The following METTL15 variants were observed in gnomAD, a reference collection of about 807,000 sequenced individuals.
METTL15 encodes the protein 12S rRNA N(4)-cytidine methyltransferase METTL15.
METTL15 carries 34 observed loss-of-function variants against 38.3 expected under a neutral mutation model. The observed-to-expected ratio is 0.89, with a 90% confidence interval of 0.68 to 1.18. METTL15 has a LOEUF of 1.18. METTL15 is among the 50% of genes most tolerant of loss of function. The pLI, the probability that METTL15 is intolerant of heterozygous loss-of-function variation, is 0.00. For synonymous variants in METTL15, 162 were observed against 170.9 expected, an observed-to-expected ratio of 0.95 and a Z score of 0.41; for missense variants, 438 against 498.4, an observed-to-expected ratio of 0.88 and a Z score of 1.15.
Position 28,378,315 on chromosome 11 carries a change from G to A in METTL15, c.*358+16279G>A, listed in dbSNP as rs545099176. On this transcript the variant is annotated intron_variant and NMD_transcript_variant, in intron 5 of 7. Coordinates refer to the METTL15 transcript ENST00000532947. ...GTGCTAGCAATCAGCGATACTCCGT[G>A]GGGTAGGACCCTCTGAGCCAGGTGC... Among the ~76,000 whole-genome samples, 12 of 152,344 alleles carry A rather than the reference G, an allele frequency of 7.9e-5. No individual in the cohort carries two copies. In the South Asian group the frequency reaches 2.3e-3, roughly 29 times the overall value.
chr11:28,465,593 AGC>A (rs1267272223), intron 6 of METTL15, among the ~76,000 whole-genome samples: 7 of 152,154 alleles, frequency 4.6e-5, no homozygotes, highest in African/African-American at 1.7e-4. Flanking sequence ...TAGTGAATGG[AGC>A]CACCAGTTAA....
rs150633408 is a variant in METTL15, at chr11:28,395,522, C to G, written c.*359-28777C>G. 5.0e-3 allele frequency among the ~76,000 whole-genome samples: 762 copies of G among 152,126 alleles called. 7 individuals are homozygous for G. Among genetic ancestry groups the G allele is most frequent in the African/African-American group, 0.018 (727 of 41,494 alleles). The stretch of plus-strand genomic sequence containing the variant: ...AAATCTAGAAGAAATGGTTAAATTC[C>G]TGGACACATACACCCTCCCAAGACT... On this transcript the variant is annotated intron_variant and NMD_transcript_variant, in intron 5 of 7. Coordinates refer to the METTL15 transcript ENST00000532947.
intron 3 of METTL15, among the ~76,000 whole-genome samples, chr11:28,206,272 A>G (rs1332972214): frequency 6.6e-6 from 1 of 151,696 alleles, no homozygotes; most frequent in Non-Finnish European, 1.5e-5. Context: ...TCCATCTTGA[A>G]TTAATTTTTG....
At chr11:28,346,095 A>G (rs1849993484) in intron 3 of METTL15, among the ~76,000 whole-genome samples, 1 of 152,364 alleles carries the variant, frequency 6.6e-6, no homozygotes, top group South Asian at 2.1e-4. Context: ...CAGTTAAGCT[A>G]CGTCCTGTAT....
In METTL15 at chr11:28,154,229, CTCTT is replaced by C. The variant is rs968036113; in HGVS notation, c.270+40630_270+40633del. On this transcript the variant is annotated intron_variant, in intron 3 of 6. Coordinates refer to ENST00000407364, the MANE Select transcript of METTL15 (RefSeq NM_001113528.2). ...GCTTGAGGACAAATCTATGTTCTTT[CTCTT>C]TCTTGTTACTTGCTTTATGATCTTG... is the stretch of plus-strand genomic sequence containing the variant. Among the ~76,000 whole-genome samples the C allele has an allele frequency of 3.3e-5, 5 of 152,200 alleles. No individual in the cohort carries two copies. In the South Asian group the frequency reaches 6.2e-4, roughly 19 times the overall value.
downstream of METTL15, among the ~76,000 whole-genome samples, chr11:28,530,864 C>T (rs1417989796): frequency 6.6e-6 from 1 of 151,942 alleles, no homozygotes; most frequent in East Asian, 1.9e-4. Flanking sequence ...TGTTTCAAAA[C>T]TTAATATGTC....
intron 3 of METTL15, among the ~76,000 whole-genome samples, chr11:28,187,655 T>C (rs959206085): frequency 6.6e-6 from 1 of 150,758 alleles, no homozygotes; most frequent in Admixed American, 6.6e-5. Flanking sequence ...GAAAAATATA[T>C]GTATGCATAA....
At chr11:28,302,635 G>A (rs535120831) in intron 6 of METTL15, among the ~76,000 whole-genome samples, 1 of 152,254 alleles carries the variant, frequency 6.6e-6, no homozygotes, top group South Asian at 2.1e-4. Context: ...ATTTGGAACT[G>A]TAAGTCCAAT....
At chr11:28,276,945 G>GAAACTATTAA (rs1855867090) in intron 4 of METTL15, among the ~76,000 whole-genome samples, 1 of 152,072 alleles carries the variant, frequency 6.6e-6, no homozygotes, top group Admixed American at 6.6e-5. Flanking sequence ...CGTGAGAGCG[G>GAAACTATTAA]AAACTATTAA....
chr11:28,510,808 A>G (rs560183905), intron 6 of METTL15, among the ~76,000 whole-genome samples: 7 of 152,302 alleles, frequency 4.6e-5, no homozygotes, highest in African/African-American at 1.7e-4. Context: ...AATCATTGCA[A>G]ATGATGCAAT....
At chr11:28,518,676 AAAAC>A (rs1316392217) in intron 6 of METTL15, among the ~76,000 whole-genome samples, 1 of 152,196 alleles carries the variant, frequency 6.6e-6, no homozygotes, top group African/African-American at 2.4e-5. Context: ...GTAGTTAAGA[AAAAC>A]AAACAAACAG....
chr11:28,469,285 G>A (rs80157084), intron 6 of METTL15, among the ~76,000 whole-genome samples: 154 of 152,132 alleles, frequency 1.0e-3, no homozygotes, highest in African/African-American at 1.9e-3. Context: ...TGATCGACAA[G>A]TAAGAGTTGT....
At chr11:28,161,298 T>C (rs951142891) in intron 3 of METTL15, among the ~76,000 whole-genome samples, 4 of 151,882 alleles carry the variant, frequency 2.6e-5, no homozygotes, top group Non-Finnish European at 5.9e-5. Flanking sequence ...ATTTTTGTTT[T>C]TTAGTAGAGA....
chr11:28,429,979 C>A (rs1427602642), intron 6 of METTL15, among the ~76,000 whole-genome samples: 6 of 125,862 alleles, frequency 4.8e-5, no homozygotes. Flanking sequence ...CGCCCATCGT[C>A]TGAGATGTGG....
intron 5 of METTL15, among the ~76,000 whole-genome samples, chr11:28,381,768 G>A (rs1021632015): frequency 8.6e-5 from 13 of 152,040 alleles, no homozygotes; most frequent in African/African-American, 2.9e-4. Flanking sequence ...TTGCTTTTCT[G>A]TGTTATCTTG....
intron 5 of METTL15, among the ~76,000 whole-genome samples, chr11:28,390,734 A>G (rs1464008164): frequency 2.0e-5 from 3 of 151,812 alleles, no homozygotes; most frequent in East Asian, 3.9e-4. Flanking sequence ...TTCCATATGC[A>G]CTTTAAAGTA....
chr11:28,407,274 G>C (rs563029835), intron 5 of METTL15, among the ~76,000 whole-genome samples: 1 of 152,190 alleles, frequency 6.6e-6, no homozygotes, highest in South Asian at 2.1e-4. Context: ...TGATGAAAAC[G>C]TCAAAAGTAT....
chr11:28,185,505 A>G (rs1247184619), intron 3 of METTL15, among the ~76,000 whole-genome samples: 2 of 151,406 alleles, frequency 1.3e-5, no homozygotes, highest in Non-Finnish European at 3.0e-5. Flanking sequence ...AGTTACTAGT[A>G]TATTATAACT....
At chr11:28,209,989 A>G (rs1565168661) in intron 3 of METTL15, among the ~76,000 whole-genome samples, 2 of 152,042 alleles carry the variant, frequency 1.3e-5, no homozygotes, top group Admixed American at 6.6e-5. Flanking sequence ...GAAAGGTCCC[A>G]TTAAACTAAG....
Sources: allele counts gnomAD v4.1 joint callset (sites outside exome capture counted in the v4.1 genomes callset), GRCh38; gene constraint gnomAD v4.1.1; transcripts MANE v1.5; gene names NCBI Gene and HGNC (gene_info 2026-07-23, HGNC 2026-07-21).